The following CCNYL1 variants were observed in gnomAD, a reference collection of about 807,000 sequenced individuals.
CCNYL1 encodes cyclin-Y-like protein 1.
CCNYL1 carries 16 observed loss-of-function variants against 44.2 expected under a neutral mutation model. The ratio of observed to expected loss-of-function variants is 0.36; its 90% CI spans 0.25 to 0.55. The LOEUF (loss-of-function observed/expected upper bound fraction) is 0.55, where lower values mean the gene tolerates loss of function less well. Among genes scored for constraint, CCNYL1 ranks in the 20% least tolerant of loss-of-function variants. The pLI is 0.85. For missense variants in CCNYL1, 348 were observed against 451.8 expected (o/e 0.77, Z 2.08); for synonymous variants, 159 against 163.2 (o/e 0.97, Z 0.20).
rs539281901 is a variant in CCNYL1 at position 207,755,822 on chromosome 2, T to A, written c.*2124T>A. On this transcript the variant is annotated 3_prime_UTR_variant, in exon 10 of 10. Transcript: ENST00000295414. The stretch of plus-strand genomic sequence containing the variant: ...ATTTGAAATACTAAGAAGAGGTTAG[T>A]GTTCTCAACTATGTGAAATCTGTTT... 3 of 152,328 alleles carry A rather than the reference T, an allele frequency of 2.0e-5. No homozygotes were observed. In the East Asian group the frequency reaches 5.8e-4, roughly 29 times the overall value. The allele number at this position is 152,328 out of a possible 1,614,324, so 9.4% of individuals were successfully genotyped here.
intron 6 of CCNYL1, among the ~76,000 whole-genome samples, 196 bp downstream of exon 6, chr2:207,740,902 G>A (rs1436364920): frequency 6.6e-6 from 1 of 152,174 alleles, no homozygotes; most frequent in African/African-American, 2.4e-5. Flanking sequence ...GCCGCTCGTG[G>A]CTAATGACTA....
intron 9 of CCNYL1, 57 bp from the exon 10 acceptor site, chr2:207,753,531 A>G: frequency 8.5e-7 from 1 of 1,180,356 alleles, no homozygotes; most frequent in South Asian, 1.3e-5. Flanking sequence ...GTGCTCTTTC[A>G]AAGGCGGGAA....
At chr2:207,724,640 T>TC (rs1418619888) in intron 1 of CCNYL1, among the ~76,000 whole-genome samples, 160 bp from the exon 2 acceptor site, 1 of 152,210 alleles carries the variant, frequency 6.6e-6, no homozygotes, top group Non-Finnish European at 1.5e-5. Flanking sequence ...AATTTTGCAT[T>TC]CCCCAGGAGT....
intron 3 of CCNYL1, among the ~76,000 whole-genome samples, chr2:207,732,831 T>G (rs1219248317): frequency 1.3e-5 from 2 of 152,216 alleles, no homozygotes; most frequent in African/African-American, 2.4e-5. Context: ...TTGATACAAA[T>G]GCAGATAAAT....
At chr2:207,713,145 TTC>T (rs1334745568) in intron 1 of CCNYL1, among the ~76,000 whole-genome samples, 1 of 152,122 alleles carries the variant, frequency 6.6e-6, no homozygotes, top group Non-Finnish European at 1.5e-5. Context: ...AGCCACGGAG[TTC>T]TGATTACTTT....
intron 6 of CCNYL1, 119 bp downstream of exon 6, chr2:207,740,825 C>G (rs2091803383): frequency 3.0e-6 from 2 of 659,264 alleles, no homozygotes; most frequent in Non-Finnish European, 5.2e-6. Context: ...AATTAGAAAA[C>G]AATTTAAATT....
chr2:207,722,174 G>A (rs1220018543), intron 1 of CCNYL1, among the ~76,000 whole-genome samples: 1 of 150,784 alleles, frequency 6.6e-6, no homozygotes, highest in Non-Finnish European at 1.5e-5. Context: ...CTGGGTTCAA[G>A]CGATTCTTCT....
intron 1 of CCNYL1, among the ~76,000 whole-genome samples, chr2:207,715,379 CTTTT>C (rs770646092): frequency 6.9e-5 from 7 of 100,752 alleles, no homozygotes; most frequent in East Asian, 6.8e-4. Flanking sequence ...CAAGCTATTT[CTTTT>C]TTTTTTTTTT....
rs60981579 is a variant in CCNYL1 at position 207,735,058 on chromosome 2, T to G, written c.431+1011T>G. 4.6e-5 allele frequency among the ~76,000 whole-genome samples: 7 copies of G among 152,344 alleles called. No individual in the cohort carries two copies. The East Asian group carries it at 1.3e-3, about 29-fold the overall frequency. On this transcript the variant is annotated intron_variant, in intron 4 of 9. Coordinates refer to ENST00000295414, the MANE Select transcript of CCNYL1 (RefSeq NM_001330218.2). The stretch of plus-strand genomic sequence containing the variant: ...TTTGAATTCAAAAGATTCTGATGTT[T>G]CTATAAGATTCAAAGTAGTTTTAAA...
At chr2:207,736,260 T>C (rs562603462) in intron 4 of CCNYL1, among the ~76,000 whole-genome samples, 1 of 152,358 alleles carries the variant, frequency 6.6e-6, no homozygotes, top group Non-Finnish European at 1.5e-5. Context: ...TTACAGACTT[T>C]TTAAAAAAGT....
intron 1 of CCNYL1, among the ~76,000 whole-genome samples, chr2:207,715,239 G>C (rs1044347235): frequency 1.3e-5 from 2 of 151,548 alleles, no homozygotes; most frequent in African/African-American, 2.4e-5. Flanking sequence ...CTGCACTCTA[G>C]CCTGGACAGT....
intron 3 of CCNYL1, among the ~76,000 whole-genome samples, chr2:207,729,606 G>A (rs1289245685): frequency 1.3e-5 from 2 of 152,106 alleles, no homozygotes; most frequent in African/African-American, 4.8e-5. Context: ...ACCTCAGTCT[G>A]TTATCTGGTG....
Position 207,733,931 on chromosome 2 carries a change from T to G in CCNYL1, c.331-16T>G. ...AACTTACTGTGACATTTTCTTCTAT[T>G]TCCCTTCCCCTTCAGGTATCTCCAG... On this transcript the variant is annotated splice_polypyrimidine_tract_variant and intron_variant, in intron 3 of 9. Coordinates refer to ENST00000295414, the MANE Select transcript of CCNYL1 (RefSeq NM_001330218.2). 1 of 1,531,880 alleles carries G rather than the reference T, an allele frequency of 6.5e-7. No homozygotes were observed. Among genetic ancestry groups the G allele is most frequent in the Non-Finnish European group, 9.0e-7 (1 of 1,108,664 alleles). 94.9% of individuals were successfully genotyped at this position (1,531,880 alleles called of 1,614,324 possible). A position where few individuals can be genotyped will look rare whatever the true frequency, so the allele number is the denominator to read the frequency against.
intron 2 of CCNYL1, among the ~76,000 whole-genome samples, chr2:207,725,822 T>C (rs2091676126): frequency 6.6e-6 from 1 of 152,230 alleles, no homozygotes; most frequent in Non-Finnish European, 1.5e-5. Flanking sequence ...TTTATCTTCC[T>C]TATAATTATG....
chr2:207,726,941 C>T, intron 3 of CCNYL1, 65 bp downstream of exon 3: 4 of 1,185,468 alleles, frequency 3.4e-6, no homozygotes, highest in Non-Finnish European at 4.7e-6. Context: ...GTCATGATTC[C>T]ATAAAAATAT....
At chr2:207,750,002 T>C (rs2105841817) in intron 8 of CCNYL1, among the ~76,000 whole-genome samples, 1 of 152,328 alleles carries the variant, frequency 6.6e-6, no homozygotes, top group African/African-American at 2.4e-5. Flanking sequence ...TTATGTTTAT[T>C]TGCTTAAGCA....
At chr2:207,716,222 ACT>A (rs1242095454) in intron 1 of CCNYL1, among the ~76,000 whole-genome samples, 2 of 151,652 alleles carry the variant, frequency 1.3e-5, no homozygotes, top group Non-Finnish European at 2.9e-5. Context: ...CTCTGAAGTG[ACT>A]CTTTCTATTC....
At chr2:207,713,360 C>T (rs775398328) in intron 1 of CCNYL1, among the ~76,000 whole-genome samples, 7 of 152,152 alleles carry the variant, frequency 4.6e-5, no homozygotes, top group Non-Finnish European at 7.3e-5. Context: ...GTATTTGTTT[C>T]CGTGGTTCCC....
At chr2:207,743,915 G>C (rs10172309) in intron 7 of CCNYL1, among the ~76,000 whole-genome samples, 4,006 of 152,144 alleles carry the variant, frequency 0.026, 87 homozygotes, top group African/African-American at 0.054. Context: ...AGGTGATCCT[G>C]CCAGAGTGTT....
Sources: gnomAD v4.1 joint callset for allele counts (sites outside exome capture counted in the v4.1 genomes callset) on GRCh38, gnomAD v4.1.1 for gene constraint, MANE v1.5 for transcripts, NCBI Gene and HGNC (gene_info 2026-07-23, HGNC 2026-07-21) for gene names.